Variants in PPP2R3B observed in about 807,000 individuals in gnomAD.
PPP2R3B encodes protein phosphatase 2 regulatory subunit B''beta, also known as serine/threonine-protein phosphatase 2A regulatory subunit B'' subunit beta.
Under a neutral mutation model 72.9 loss-of-function variants are expected in PPP2R3B, and 68 were observed. The ratio of observed to expected loss-of-function variants is 0.93; its 90% CI spans 0.77 to 1.14. The LOEUF (loss-of-function observed/expected upper bound fraction) is 1.14, where lower values mean the gene tolerates loss of function less well. Among genes scored for constraint, PPP2R3B ranks in the 50% most tolerant of loss-of-function variants. The pLI is 0.00. For synonymous variants in PPP2R3B, 466 were observed against 375.8 expected, an observed-to-expected ratio of 1.24 and a Z score of -2.78; for missense variants, 1,018 against 842.0, an observed-to-expected ratio of 1.21 and a Z score of -2.59.
At chrX:382,914 G>A (rs1340649425) in intron 1 of PPP2R3B, among the ~76,000 whole-genome samples, 2 of 152,070 alleles carry the variant, frequency 1.3e-5, no homozygotes, top group Non-Finnish European at 2.9e-5. Context: ...TCATGGAGGG[G>A]AACCATCATT....
At chrX:357,899 C>T (rs916169943) in intron 2 of PPP2R3B, among the ~76,000 whole-genome samples, 3 of 152,178 alleles carry the variant, frequency 2.0e-5, no homozygotes, top group African/African-American at 7.2e-5. Context: ...CTGACTCACA[C>T]AGACAGGAAG....
chrX:356,118 C>T (rs6645207), intron 2 of PPP2R3B, among the ~76,000 whole-genome samples: 2 of 152,038 alleles, frequency 1.3e-5, no homozygotes, highest in African/African-American at 4.8e-5. Flanking sequence ...ACGCACAGAA[C>T]GGCTAAAGGC....
intron 1 of PPP2R3B, among the ~76,000 whole-genome samples, chrX:364,013 C>A (rs749865200): frequency 6.6e-6 from 1 of 152,266 alleles, no homozygotes; most frequent in Non-Finnish European, 1.5e-5. Flanking sequence ...GAGGACACCT[C>A]AGGCCACAGC....
chrX:364,367 A>G (rs1169362479), intron 1 of PPP2R3B, among the ~76,000 whole-genome samples: 1 of 152,026 alleles, frequency 6.6e-6, no homozygotes, highest in Non-Finnish European at 1.5e-5. Flanking sequence ...CACGGTCACC[A>G]GGATGCTGCG....
intron 1 of PPP2R3B, among the ~76,000 whole-genome samples, chrX:369,502 A>T (rs2071808083): frequency 6.6e-6 from 1 of 152,212 alleles, no homozygotes; most frequent in East Asian, 1.9e-4. Flanking sequence ...TTTGCAAAAC[A>T]CGTCCATATA....
At chrX:358,566 G>A (rs1468482388) in intron 2 of PPP2R3B, among the ~76,000 whole-genome samples, 1 of 152,220 alleles carries the variant, frequency 6.6e-6, no homozygotes, top group Non-Finnish European at 1.5e-5. Flanking sequence ...CTGCTTCTCT[G>A]GGGCGTCGAA....
chrX:370,443 G>A lies in PPP2R3B; in HGVS notation c.325-8853C>T, dbSNP rs758042054. Among the ~76,000 whole-genome samples the A allele has an allele frequency of 8.1e-4, 123 of 152,258 alleles. 1 individual carries two copies. The highest frequency in any genetic ancestry group is 2.6e-3 in the African/African-American group (108 of 41,574). On this transcript the variant is annotated intron_variant, in intron 1 of 12. Transcript: ENST00000390665. ...CGAGGCGTGAGTCTCCACAGAGCTC[G>A]GAAGGCTGGGCTGGGGGACGTGGGG...
intron 1 of PPP2R3B, among the ~76,000 whole-genome samples, chrX:375,990 G>T (rs1210113787): frequency 6.6e-6 from 1 of 152,116 alleles, no homozygotes; most frequent in African/African-American, 2.4e-5. Context: ...TCAGGAGTTC[G>T]AGACCAGCCA....
rs756217334 is a variant in PPP2R3B, at chrX:338,795, G to A, written c.1453C>T (p.Gln485Ter). The A allele has an allele frequency of 1.9e-6, 3 of 1,612,430 alleles. No individual in the cohort carries two copies. Among genetic ancestry groups the A allele is most frequent in the East Asian group, 2.2e-5 (1 of 44,880 alleles). Residue 485 changes from glutamine to a stop codon, truncating the protein, a stop_gained, in exon 11 of 13, where the codon CAG (glutamine) becomes TAG (stop). Transcript: ENST00000390665. LOFTEE classifies it high-confidence loss of function. Reference protein sequence around the residue: ...EKYLDHEQKEQISLLRDGDSG... With the variant: ...EKYLDHEQKE ...GCACTCACCCTGAGCAGGGAGATCT[G>A]CTCTTTCTGCTCGTGGTCGAGGTAC...
chrX:374,230 C>G (rs1420519646), intron 1 of PPP2R3B, among the ~76,000 whole-genome samples: 2 of 152,192 alleles, frequency 1.3e-5, no homozygotes, highest in Admixed American at 6.5e-5. Context: ...GAGGTCCCCC[C>G]CCTCCACGAC....
chrX:347,355 T>C lies in PPP2R3B; in HGVS notation c.615-19A>G, dbSNP rs1260639835. ...GAGGATTCTGGAAGGACAGGATGAC[T>C]GGGCACCACCCTCACAGGGGGGTGG... On this transcript the variant is annotated intron_variant, in intron 3 of 12. Transcript: ENST00000390665. The C allele has an allele frequency of 6.2e-7, 1 of 1,611,118 alleles. No homozygotes were observed. Among genetic ancestry groups the C allele is most frequent in the Non-Finnish European group, 8.5e-7 (1 of 1,177,440 alleles).
intron 4 of PPP2R3B, among the ~76,000 whole-genome samples, chrX:346,993 A>G (rs2738350): frequency 0.81 from 115,768 of 142,678 alleles, 45,583 homozygotes; most frequent in Middle Eastern, 0.87. Flanking sequence ...TGAGGTGTGC[A>G]GTGTAGACGC....
At chrX:347,724 A>C (rs1243913057) in intron 2 of PPP2R3B, 31 bp from the exon 3 acceptor site, 4 of 1,481,842 alleles carry the variant, frequency 2.7e-6, no homozygotes, top group Non-Finnish European at 1.8e-6. Context: ...GTGGGCAGTC[A>C]GCAGGGCCTG....
At chrX:361,268 C>T (rs746409566) in intron 2 of PPP2R3B, 137 bp downstream of exon 2, 15 of 954,564 alleles carry the variant, frequency 1.6e-5, no homozygotes, top group East Asian at 5.3e-5. Context: ...CTCCCGCACA[C>T]GTGTGAAACG....
intron 1 of PPP2R3B, among the ~76,000 whole-genome samples, chrX:364,677 C>A (rs77815506): frequency 1.6e-4 from 10 of 64,334 alleles, no homozygotes; most frequent in Middle Eastern, 6.8e-3. Flanking sequence ...GAGATCGCAC[C>A]ACTGCACTCC....
At chrX:375,305 C>T (rs2071965216) in intron 1 of PPP2R3B, among the ~76,000 whole-genome samples, 1 of 152,210 alleles carries the variant, frequency 6.6e-6, no homozygotes, top group South Asian at 2.1e-4. Context: ...CACCCAGTAA[C>T]CCACGATGCG....
chrX:349,928 C>T (rs1228468809), intron 2 of PPP2R3B, among the ~76,000 whole-genome samples: 1 of 152,098 alleles, frequency 6.6e-6, no homozygotes. Context: ...ACCCAGAGTC[C>T]ACGCGATCCC....
chrX:350,351 C>A (rs2066254814), intron 2 of PPP2R3B, among the ~76,000 whole-genome samples: 1 of 152,218 alleles, frequency 6.6e-6, no homozygotes, highest in South Asian at 2.1e-4. Flanking sequence ...TCACGGGCCA[C>A]ACGTGCGCTC....
chrX:358,705 G>A (rs1775250160), intron 2 of PPP2R3B, among the ~76,000 whole-genome samples: 1 of 152,184 alleles, frequency 6.6e-6, no homozygotes, highest in Non-Finnish European at 1.5e-5. Context: ...TGGAAGCGAG[G>A]TGACACCGAG....
Sources: gnomAD v4.1 joint callset for allele counts (sites outside exome capture counted in the v4.1 genomes callset) on GRCh38, gnomAD v4.1.1 for gene constraint, MANE v1.5 for transcripts, NCBI Gene and HGNC (gene_info 2026-07-23, HGNC 2026-07-21) for gene names.